Variants in ADIPOR2 observed in about 807,000 individuals in gnomAD.
ADIPOR2 encodes the protein adiponectin receptor protein 2.
In ADIPOR2, 18 loss-of-function variants were observed where a neutral mutation model predicts 40.9. The observed-to-expected ratio is 0.44, with a 90% CI of 0.30 to 0.65. ADIPOR2 has a LOEUF of 0.65. Among genes scored for constraint, ADIPOR2 ranks in the 30% least tolerant of loss-of-function variants. The pLI is 0.09. For synonymous variants in ADIPOR2, 165 were observed against 166.4 expected, an observed-to-expected ratio of 0.99 and a Z score of 0.06; for missense variants, 283 against 479.2, an observed-to-expected ratio of 0.59 and a Z score of 3.82.
intron 1 of ADIPOR2, among the ~76,000 whole-genome samples, chr12:1,750,217 G>A (rs551684565): frequency 5.9e-5 from 9 of 152,078 alleles, no homozygotes; most frequent in Non-Finnish European, 1.2e-4. Flanking sequence ...GTTGTAAATG[G>A]TATTGTTAAA....
intron 1 of ADIPOR2, among the ~76,000 whole-genome samples, chr12:1,725,353 C>A (rs1824311574): frequency 6.6e-6 from 1 of 152,132 alleles, no homozygotes; most frequent in South Asian, 2.1e-4. Context: ...CTACTGCCCC[C>A]AGGTGATCCA....
chr12:1,778,475 A>G (rs1020718098), intron 4 of ADIPOR2: 17 of 153,062 alleles, frequency 1.1e-4, no homozygotes, highest in African/African-American at 3.6e-4. Flanking sequence ...AGAGGAAAGA[A>G]TAGTCTTTCC....
chr12:1,726,640 CCTTG>C (rs1434420608), intron 1 of ADIPOR2, among the ~76,000 whole-genome samples: 1 of 150,832 alleles, frequency 6.6e-6, no homozygotes, highest in Admixed American at 6.7e-5. Context: ...TCACAGTGAT[CCTTG>C]CTTGTCCTCA....
chr12:1,726,455 C>T (rs2154442351), intron 1 of ADIPOR2, among the ~76,000 whole-genome samples: 1 of 152,290 alleles, frequency 6.6e-6, no homozygotes, highest in Non-Finnish European at 1.5e-5. Context: ...GTGTTGGCCT[C>T]CCAAAGTGCT....
chr12:1,776,191 T>G (rs1862590631), intron 3 of ADIPOR2, among the ~76,000 whole-genome samples: 1 of 152,212 alleles, frequency 6.6e-6, no homozygotes. Context: ...GTGGAGATGT[T>G]ACACAGAGGA....
intron 1 of ADIPOR2, among the ~76,000 whole-genome samples, chr12:1,751,977 G>A (rs1420823011): frequency 4.7e-5 from 7 of 148,910 alleles, no homozygotes; most frequent in Non-Finnish European, 7.4e-5. Flanking sequence ...GCATGATCTC[G>A]GCTCACTGCA....
At chr12:1,697,663 T>C (rs915890633) in intron 1 of ADIPOR2, 1 of 152,474 alleles carries the variant, frequency 6.6e-6, no homozygotes, top group African/African-American at 2.4e-5. Context: ...AAGCTTATTA[T>C]GGCAACTTGG....
intron 2 of ADIPOR2, among the ~76,000 whole-genome samples, chr12:1,762,787 C>T (rs901135817): frequency 6.6e-6 from 1 of 152,152 alleles, no homozygotes; most frequent in Non-Finnish European, 1.5e-5. Flanking sequence ...ACTGAGGTTT[C>T]ATGTGAATGT....
chr12:1,701,710 A>C (rs2094650522), intron 1 of ADIPOR2, among the ~76,000 whole-genome samples: 1 of 152,190 alleles, frequency 6.6e-6, no homozygotes, highest in Non-Finnish European at 1.5e-5. Context: ...ATTTATTCTC[A>C]TGTTGATAGG....
chr12:1,747,787 T>G (rs12230440), intron 1 of ADIPOR2, among the ~76,000 whole-genome samples: 22,088 of 152,152 alleles, frequency 0.15, 2,232 homozygotes, highest in Admixed American at 0.31. Flanking sequence ...AGAAGTCAGC[T>G]GCTAATCTTA....
chr12:1,783,262 G>A (rs2154444518), intron 6 of ADIPOR2, among the ~76,000 whole-genome samples: 1 of 152,186 alleles, frequency 6.6e-6, no homozygotes, highest in East Asian at 1.9e-4. Context: ...TGTAACCTGT[G>A]TCTGTAGAAG....
At chr12:1,713,278 G>A (rs527928335) in intron 1 of ADIPOR2, among the ~76,000 whole-genome samples, 1 of 152,152 alleles carries the variant, frequency 6.6e-6, no homozygotes, top group South Asian at 2.1e-4. Flanking sequence ...ATAGGGCTTG[G>A]GTACAACTGG....
intron 1 of ADIPOR2, among the ~76,000 whole-genome samples, chr12:1,705,353 A>G (rs1260390787): frequency 6.6e-6 from 1 of 152,162 alleles, no homozygotes; most frequent in Non-Finnish European, 1.5e-5. Context: ...TGTTCCTTGT[A>G]TTAGCATTTT....
chr12:1,701,458 C>T (rs1181262532), intron 1 of ADIPOR2, among the ~76,000 whole-genome samples: 1 of 152,148 alleles, frequency 6.6e-6, no homozygotes, highest in Admixed American at 6.5e-5. Flanking sequence ...GTAATTACTA[C>T]ATGGGTATAT....
chr12:1,742,880 A>T (rs987200570), intron 1 of ADIPOR2, among the ~76,000 whole-genome samples: 3 of 152,224 alleles, frequency 2.0e-5, no homozygotes, highest in African/African-American at 7.2e-5. Flanking sequence ...CAAGTGTGAT[A>T]GCAGCCTTCT....
intron 2 of ADIPOR2, among the ~76,000 whole-genome samples, chr12:1,767,812 G>A (rs180913084): frequency 2.0e-5 from 3 of 152,294 alleles, no homozygotes; most frequent in Admixed American, 1.3e-4. Context: ...CTGAGTTTGT[G>A]ATAGAATTCT....
chr12:1,695,965 T>C (rs2094637982), intron 1 of ADIPOR2: 1 of 153,242 alleles, frequency 6.5e-6, no homozygotes, highest in South Asian at 2.1e-4. Context: ...AGTTCTTCTT[T>C]TTTCTCTTTA....
chr12:1,712,700 TTAGAG>T (rs1180484465), intron 1 of ADIPOR2, among the ~76,000 whole-genome samples: 1 of 152,114 alleles, frequency 6.6e-6, no homozygotes, highest in Non-Finnish European at 1.5e-5. Context: ...GTCTCCTTTA[TTAGAG>T]TATAGAGTGG....
At chr12:1,778,855 A>G (rs1862655245) in intron 4 of ADIPOR2, among the ~76,000 whole-genome samples, 1 of 152,228 alleles carries the variant, frequency 6.6e-6, no homozygotes, top group Non-Finnish European at 1.5e-5. Context: ...AAAAATGGGT[A>G]AAACATCTGA....
Sources: allele counts gnomAD v4.1 joint callset (sites outside exome capture counted in the v4.1 genomes callset), GRCh38; gene constraint gnomAD v4.1.1; transcripts MANE v1.5; gene names NCBI Gene and HGNC (gene_info 2026-07-23, HGNC 2026-07-21).